OTOF: variants seen among roughly 807,000 people sequenced by gnomAD.
OTOF encodes otoferlin, also known as fer-1-like family member 2.
In OTOF, 218 loss-of-function variants were observed where a neutral mutation model predicts 236.8. That is an observed-to-expected ratio of 0.92 (90% CI 0.82 to 1.03). The LOEUF (loss-of-function observed/expected upper bound fraction) is 1.03. Ranked by LOEUF, OTOF falls within the 50% of genes least tolerant of loss-of-function variation. The pLI is 0.00. For missense variants in OTOF, 2,590 were observed against 2,694.4 expected (o/e 0.96, Z 0.86); for synonymous variants, 1,041 against 1,072.5 (o/e 0.97, Z 0.57).
At chr2:26,530,760 A>G (rs1219679132) in intron 2 of OTOF, among the ~76,000 whole-genome samples, 3 of 151,708 alleles carry the variant, frequency 2.0e-5, no homozygotes, top group Non-Finnish European at 4.4e-5. Flanking sequence ...TGTCTTTCTC[A>G]GGGGTTCTTC....
At chr2:26,554,115 G>C (rs1667529093) in intron 1 of OTOF, among the ~76,000 whole-genome samples, 1 of 144,946 alleles carries the variant, frequency 6.9e-6, no homozygotes, top group Non-Finnish European at 1.5e-5. Flanking sequence ...AGGTTGCAGT[G>C]AGCCGAGATC....
At position 26,470,710 on chromosome 2, in the gene OTOF, C is replaced by A; in HGVS notation, c.3906G>T (p.Glu1302Asp). The A allele has an allele frequency of 1.9e-6, 3 of 1,613,532 alleles. No homozygotes were observed. The highest frequency in any genetic ancestry group is 1.7e-6 in the Non-Finnish European group (2 of 1,179,940). The part of the protein sequence containing the change: ...AVVKVDVAEE[E>D]KEKKKKKKGT... The stretch of plus-strand genomic sequence containing the variant: ...CCTTCTTCTTCTTCTTCTTCTCCTT[C>A]TCCTCCTCAGCCTGCAGGTTGGCCA... Residue 1302 changes from glutamate (E) to aspartate (D), a missense_variant, in exon 32 of 47, where the codon GAG (glutamate) becomes GAT (aspartate). By Grantham distance (45) the Glu-to-Asp change is conservative (BLOSUM62 2). Transcript: ENST00000272371. The surrounding 1 kb of genome is among the most constrained non-coding windows in gnomAD (Gnocchi z 4.3).
At position 26,474,567 on chromosome 2, in the gene OTOF, G is replaced by A; in HGVS notation, c.3234C>T (p.Ile1078=). ...CTCCAGCTGTGGCGTTGCCACGGTAGATCTGGTAGTACTCGAGCTGAGGTG... is the reference window on the plus strand; with the variant it reads ...CTCCAGCTGTGGCGTTGCCACGGTAAATCTGGTAGTACTCGAGCTGAGGTG... The part of the protein sequence containing the change: ...RFPPQLEYYQ[I]YRGNATAGDL... The change falls in exon 26 of 47, where the codon ATC becomes ATT. Residue 1078 remains isoleucine, a synonymous_variant. Coordinates refer to ENST00000272371, the MANE Select transcript of OTOF (RefSeq NM_194248.3). 1 of 1,613,178 alleles carries A rather than the reference G, an allele frequency of 6.2e-7. No individual in the cohort carries two copies. Among genetic ancestry groups the A allele is most frequent in the South Asian group, 1.1e-5 (1 of 91,086 alleles).
chr2:26,489,587 T>C, intron 10 of OTOF, 91 bp downstream of exon 10: 2 of 1,068,692 alleles, frequency 1.9e-6, no homozygotes, highest in Non-Finnish European at 2.9e-6. Flanking sequence ...CTCTTTATCA[T>C]GGGTCTAGAC....
intron 2 of OTOF, among the ~76,000 whole-genome samples, chr2:26,531,398 G>A (rs1179251118): frequency 6.6e-6 from 1 of 151,954 alleles, no homozygotes; most frequent in Non-Finnish European, 1.5e-5. Flanking sequence ...AGAGGGGGGT[G>A]ACAATATCTA....
rs561641977 is a variant in OTOF at position 26,493,725 on chromosome 2, C to T, written c.897+1217G>A. On this transcript the variant is annotated intron_variant, in intron 9 of 46. Coordinates refer to ENST00000272371, the MANE Select transcript of OTOF (RefSeq NM_194248.3). ...GAAGAAAGTTTTGTTATTGGGAAAT[C>T]GAAACTTAAGTGGGGAAATCGAAGG... Among the ~76,000 whole-genome samples the T allele has an allele frequency of 9.9e-5, 15 of 152,124 alleles. No individual in the cohort carries two copies. In the East Asian group the frequency reaches 2.3e-3, roughly 23 times the overall value.
Position 26,464,031 on chromosome 2 carries a change from C to T in OTOF, c.5036G>A (p.Cys1679Tyr), listed in dbSNP as rs1664609465. 4 of 1,613,754 alleles carry T rather than the reference C, an allele frequency of 2.5e-6. No homozygotes were observed. The highest frequency in any genetic ancestry group is 3.4e-6 in the Non-Finnish European group (4 of 1,180,032). The change falls in exon 40 of 47, where the codon TGC (cysteine) becomes TAC (tyrosine). Residue 1679 changes from cysteine (C) to tyrosine (Y), a missense_variant. Physicochemically the swap from Cys to Tyr is radical, Grantham distance 194 (BLOSUM62 -2). Around this residue, in one of 2 missense-constraint regions of OTOF, gnomAD observed 1,211 missense variants for 1,352.8 expected, o/e 0.90. Coordinates refer to ENST00000272371, the MANE Select transcript of OTOF (RefSeq NM_194248.3). ...CTCCACATGCTCTGGCACCAGGCGG[C>T]AGCCTGCGCGGGGGATGTCCTCCCA... ...RHWEDIPRAG[C>Y]RLVPEHVETR...
intron 24 of OTOF, 65 bp downstream of exon 24, chr2:26,475,849 C>T: frequency 1.3e-6 from 2 of 1,547,640 alleles, no homozygotes; most frequent in Non-Finnish European, 1.7e-6. Flanking sequence ...GGCTCCAGTC[C>T]CCACAGGCTC....
At chr2:26,505,095 C>T (rs1001542332) in intron 5 of OTOF, among the ~76,000 whole-genome samples, 4 of 152,186 alleles carry the variant, frequency 2.6e-5, no homozygotes, top group Non-Finnish European at 5.9e-5. Context: ...TCTTATTCCC[C>T]AAACCTGGCC....
Position 26,467,098 on chromosome 2 carries a change from C to A in OTOF, c.4362+1G>T. 6.2e-7 allele frequency: 1 copy of A among 1,613,018 alleles called. No individual in the cohort carries two copies. The highest frequency in any genetic ancestry group is 2.2e-5 in the East Asian group (1 of 44,864). On this transcript the variant is annotated splice_donor_variant, in intron 35 of 46. Transcript: ENST00000272371. LOFTEE classifies it high-confidence loss of function. ...GGCTGGGCCCGTGCTCCTGGCCTGA[C>A]CTTGAAGCGTCCCACAATGCGCTCC...
At chr2:26,468,602 G>C in intron 32 of OTOF, 128 bp from the exon 33 acceptor site, 1 of 776,770 alleles carries the variant, frequency 1.3e-6, no homozygotes. Flanking sequence ...TGCATTTCAA[G>C]TCCACCATGT....
Position 26,516,441 on chromosome 2 carries a change from G to C in OTOF, c.486C>G (p.Pro162=). The C allele has an allele frequency of 6.2e-7, 1 of 1,613,920 alleles. No individual in the cohort carries two copies. The highest frequency in any genetic ancestry group is 8.5e-7 in the Non-Finnish European group (1 of 1,179,920). The change falls in exon 5 of 47, where the codon CCC becomes CCG. Residue 162 remains proline (P), a synonymous_variant. Transcript: ENST00000272371. ...ACCTCCGGAAGCTCTTCTCTCCTGG[G>C]GGCCGGGAGCTGGGCCGGGAGCCTG... ...LLPGSRPSSR[P]PGEKSFRRAG... is the part of the protein sequence containing the mutation.
intron 4 of OTOF, among the ~76,000 whole-genome samples, 200 bp from the exon 5 acceptor site, chr2:26,516,799 T>C (rs1244497551): frequency 2.6e-5 from 4 of 152,104 alleles, no homozygotes; most frequent in Non-Finnish European, 5.9e-5. Flanking sequence ...GCAGACCGGG[T>C]CAGCTTACTG....
At chr2:26,508,902 T>G (rs1349084280) in intron 5 of OTOF, among the ~76,000 whole-genome samples, 1 of 152,254 alleles carries the variant, frequency 6.6e-6, no homozygotes, top group African/African-American at 2.4e-5. Flanking sequence ...TCAATAGTCC[T>G]ATTGCTCTAC....
At chr2:26,528,043 C>G in intron 2 of OTOF, 123 bp from the exon 3 acceptor site, 1 of 740,620 alleles carries the variant, frequency 1.4e-6, no homozygotes, top group South Asian at 1.5e-5. Context: ...GGGCCCAGTG[C>G]TCCCCAGGGA....
rs1359275167 is a variant in OTOF, at chr2:26,519,029, T to C, written c.308A>G (p.Asp103Gly). ...ACCCACCTTGATGATAGCATTGTTG[T>C]CATCAATCAGCGTGTCAGTCACCTC... Reference protein sequence around the residue: ...HVEVTDTLIDDNNAIIKTSLC... With the variant: ...HVEVTDTLIDGNNAIIKTSLC... Residue 103 changes from aspartate to glycine, a missense_variant, in exon 4 of 47, where the codon GAC (aspartate) becomes GGC (glycine). This residue lies in a region of OTOF where 1,379 missense variants were observed against 1,341.6 expected (regional missense o/e 1.03). Transcript: ENST00000272371. The C allele has an allele frequency of 6.2e-7, 1 of 1,609,374 alleles. No individual in the cohort carries two copies. Among genetic ancestry groups the C allele is most frequent in the South Asian group, 1.1e-5 (1 of 90,178 alleles).
chr2:26,516,768 G>A (rs888223505), intron 4 of OTOF, among the ~76,000 whole-genome samples, 169 bp from the exon 5 acceptor site: 1 of 152,148 alleles, frequency 6.6e-6, no homozygotes, highest in African/African-American at 2.4e-5. Context: ...AGAAAACAGA[G>A]GCTCTGAAAG....
intron 12 of OTOF, 86 bp from the exon 13 acceptor site, chr2:26,483,734 C>T (rs1426810824): frequency 4.0e-6 from 5 of 1,243,898 alleles, no homozygotes; most frequent in Non-Finnish European, 4.6e-6. Context: ...TGGGTCCTGG[C>T]ACAGTCTCTA....
chr2:26,550,485 GGCCTGGCCCTCAAGGC>G (rs112961483), intron 1 of OTOF, among the ~76,000 whole-genome samples: 2,177 of 152,258 alleles, frequency 0.014, 44 homozygotes, highest in African/African-American at 0.049. Flanking sequence ...GCAGCCAAGG[GGCCTGGCCCTCAAGGC>G]GCCCACCTGG....
Sources: gnomAD v4.1 joint callset for allele counts (sites outside exome capture counted in the v4.1 genomes callset) on GRCh38, gnomAD v4.1.1 for gene constraint, gnomAD v4.1.1 regional missense constraint, Gnocchi (gnomAD v3.1) non-coding constraint, MANE v1.5 for transcripts, NCBI Gene and HGNC (gene_info 2026-07-23, HGNC 2026-07-21) for gene names.